Variants in RERE observed in about 807,000 individuals in gnomAD.
RERE encodes the protein arginine-glutamic acid dipeptide repeats.
RERE carries 40 observed loss-of-function variants against 146.1 expected under a neutral mutation model. The observed-to-expected ratio is 0.27, with a 90% CI of 0.21 to 0.36. RERE has a LOEUF of 0.36. Ranked by LOEUF, RERE falls within the 10% of genes least tolerant of loss-of-function variation. The pLI is 1.00. For synonymous variants in RERE, 1,003 were observed against 866.0 expected, an observed-to-expected ratio of 1.16 and a Z score of -2.78; for missense variants, 1,933 against 2,138.7, an observed-to-expected ratio of 0.90 and a Z score of 1.90.
chr1:8,389,127 T>C (rs1042764880), intron 12 of RERE, among the ~76,000 whole-genome samples: 3 of 152,214 alleles, frequency 2.0e-5, no homozygotes, highest in African/African-American at 7.2e-5. Flanking sequence ...AAGGGTGACA[T>C]GAAATCTTCA....
chr1:8,404,234 G>A (rs1643369809), intron 12 of RERE, among the ~76,000 whole-genome samples: 2 of 152,164 alleles, frequency 1.3e-5, no homozygotes, highest in African/African-American at 4.8e-5. Flanking sequence ...TTGAGACCAC[G>A]GTGAAACCCC....
chr1:8,414,395 A>C (rs1643703370), intron 12 of RERE, among the ~76,000 whole-genome samples: 1 of 151,412 alleles, frequency 6.6e-6, no homozygotes, highest in African/African-American at 2.4e-5. Flanking sequence ...AACTCTACTA[A>C]AAATACAAAA....
intron 12 of RERE, among the ~76,000 whole-genome samples, chr1:8,405,796 G>A (rs1184961214): frequency 6.6e-5 from 10 of 151,930 alleles, no homozygotes; most frequent in Admixed American, 1.3e-4. Flanking sequence ...ACGCCACCAC[G>A]CCCAGCTAAT....
intron 1 of RERE, among the ~76,000 whole-genome samples, chr1:8,811,965 G>A (rs1022196072): frequency 6.6e-6 from 1 of 152,184 alleles, no homozygotes; most frequent in African/African-American, 2.4e-5. Flanking sequence ...AGCTGGGTGG[G>A]ACCCATATCC....
At chr1:8,698,978 G>C (rs1368775627) in intron 1 of RERE, among the ~76,000 whole-genome samples, 2 of 152,146 alleles carry the variant, frequency 1.3e-5, no homozygotes, top group African/African-American at 4.8e-5. Flanking sequence ...GAGTGCAGTG[G>C]TGCAATCATG....
intron 1 of RERE, among the ~76,000 whole-genome samples, chr1:8,681,517 C>T (rs1198274081): frequency 6.6e-6 from 1 of 152,084 alleles, no homozygotes; most frequent in Admixed American, 6.6e-5. Context: ...CTTAATTATT[C>T]CATATATACT....
chr1:8,485,148 T>C (rs1385049519), intron 10 of RERE, among the ~76,000 whole-genome samples: 2 of 152,116 alleles, frequency 1.3e-5, no homozygotes, highest in African/African-American at 4.8e-5. Context: ...GATCACCTGA[T>C]GTAGGGAGTT....
Position 8,403,440 on chromosome 1 carries a change from T to C in RERE, c.1284+19287A>G, listed in dbSNP as rs1234832334. 2.0e-4 allele frequency among the ~76,000 whole-genome samples: 30 copies of C among 151,428 alleles called. No homozygotes were observed. The South Asian group carries it at 6.1e-3, about 31-fold the overall frequency. ...GTATTATATTCATATTTTCTTTTTT[T>C]TTTTTTTTCCTGCTTCTCGGGTTCA... On this transcript the variant is annotated intron_variant, in intron 12 of 22. Transcript: ENST00000400908.
At chr1:8,656,663 TAAG>T (rs1430431886) in intron 1 of RERE, among the ~76,000 whole-genome samples, 2 of 152,204 alleles carry the variant, frequency 1.3e-5, no homozygotes, top group Admixed American at 1.3e-4. Flanking sequence ...TCTGAATGCC[TAAG>T]AGTAAACTAC....
intron 10 of RERE, among the ~76,000 whole-genome samples, chr1:8,467,805 C>T (rs184848334): frequency 9.9e-4 from 150 of 152,158 alleles, no homozygotes; most frequent in African/African-American, 3.4e-3. Flanking sequence ...CCACCACGCC[C>T]GGCTTATTTT....
intron 1 of RERE, among the ~76,000 whole-genome samples, chr1:8,797,361 G>C (rs962106891): frequency 5.7e-5 from 7 of 123,594 alleles, no homozygotes; most frequent in Admixed American, 9.1e-5. Context: ...CTAGGTGACA[G>C]AGTAAGACTC....
At chr1:8,678,384 G>A (rs1002451457) in intron 1 of RERE, among the ~76,000 whole-genome samples, 34 of 151,802 alleles carry the variant, frequency 2.2e-4, no homozygotes, top group Non-Finnish European at 4.4e-4. Context: ...AGTAGCTCAC[G>A]CCTATAATCC....
intron 11 of RERE, among the ~76,000 whole-genome samples, chr1:8,449,076 T>C (rs1370093338): frequency 6.6e-6 from 1 of 152,142 alleles, no homozygotes; most frequent in Non-Finnish European, 1.5e-5. Flanking sequence ...TGGTGGAAGA[T>C]CAGGCTGCTC....
Position 8,680,689 on chromosome 1 carries a change from G to A in RERE, c.-144-24248C>T, listed in dbSNP as rs1437116409. Reference sequence around the variant, plus strand: ...AAAAGTAACATCTATGTTTAAATGGGTCCTTTAGAGAAAAGAAAGCACTCA... The same window carrying A: ...AAAAGTAACATCTATGTTTAAATGGATCCTTTAGAGAAAAGAAAGCACTCA... On this transcript the variant is annotated intron_variant, in intron 1 of 22. Coordinates refer to ENST00000400908, the MANE Select transcript of RERE (RefSeq NM_001042681.2). Among the ~76,000 whole-genome samples, 11 of 152,204 alleles carry A rather than the reference G, an allele frequency of 7.2e-5. No individual in the cohort carries two copies. In the South Asian group the frequency reaches 8.3e-4, roughly 11 times the overall value.
chr1:8,754,135 C>T (rs986255998), intron 1 of RERE, among the ~76,000 whole-genome samples: 2 of 152,066 alleles, frequency 1.3e-5, no homozygotes, highest in Non-Finnish European at 2.9e-5. Flanking sequence ...GTTGAAATCC[C>T]TGAGAGAATA....
intron 1 of RERE, among the ~76,000 whole-genome samples, chr1:8,694,789 T>C (rs1251066464): frequency 6.6e-6 from 1 of 151,238 alleles, no homozygotes; most frequent in Non-Finnish European, 1.5e-5. Flanking sequence ...ATGACACAAA[T>C]GGAAAAACAT....
chr1:8,656,998 A>C (rs1156521423), intron 1 of RERE, among the ~76,000 whole-genome samples: 1 of 152,142 alleles, frequency 6.6e-6, no homozygotes, highest in Non-Finnish European at 1.5e-5. Context: ...AGTTTGCAGC[A>C]CTGTCAAAAA....
At chr1:8,811,950 G>A (rs989398280) in intron 1 of RERE, among the ~76,000 whole-genome samples, 6 of 152,206 alleles carry the variant, frequency 3.9e-5, no homozygotes, top group South Asian at 2.1e-4. Flanking sequence ...GTATCTGGTC[G>A]CTAAAGCTGG....
At chr1:8,585,951 A>G (rs190971657) in intron 4 of RERE, among the ~76,000 whole-genome samples, 36 of 152,328 alleles carry the variant, frequency 2.4e-4, no homozygotes, top group Middle Eastern at 3.4e-3. Flanking sequence ...ATCAGACATT[A>G]TACACTTCCT....
Sources: allele counts gnomAD v4.1 joint callset (sites outside exome capture counted in the v4.1 genomes callset), GRCh38; gene constraint gnomAD v4.1.1; transcripts MANE v1.5; gene names NCBI Gene and HGNC (gene_info 2026-07-23, HGNC 2026-07-21).